Variants in THADA observed in about 807,000 individuals in gnomAD.
THADA encodes the protein tRNA (32-2'-O)-methyltransferase regulator THADA.
A neutral mutation model predicts 219.8 loss-of-function variants in THADA; 213 were observed. That is an observed-to-expected ratio of 0.97 (90% confidence interval 0.87 to 1.09). The LOEUF (loss-of-function observed/expected upper bound fraction) is 1.09. Ranked by LOEUF, THADA falls within the 50% of genes least tolerant of loss-of-function variation. The pLI, the probability that THADA is intolerant of heterozygous loss-of-function variation, is 0.00. For missense variants in THADA, 2,956 were observed against 2,311.3 expected, an observed-to-expected ratio of 1.28 and a Z score of -5.72; for synonymous variants, 1,018 against 828.9, an observed-to-expected ratio of 1.23 and a Z score of -3.92.
intron 30 of THADA, among the ~76,000 whole-genome samples, chr2:43,329,906 T>C (rs1281427060): frequency 6.6e-6 from 1 of 152,244 alleles, no homozygotes; most frequent in Non-Finnish European, 1.5e-5. Context: ...TATTTGACAA[T>C]AGATAGTTCC....
At chr2:43,237,908 A>T (rs1668214341) in intron 36 of THADA, among the ~76,000 whole-genome samples, 2 of 150,686 alleles carry the variant, frequency 1.3e-5, no homozygotes, top group African/African-American at 4.9e-5. Context: ...ACCTGAGGTC[A>T]GGAGTTCGAG....
At chr2:43,330,367 G>C (rs1558590016) in intron 30 of THADA, among the ~76,000 whole-genome samples, 1 of 151,724 alleles carries the variant, frequency 6.6e-6, no homozygotes, top group Non-Finnish European at 1.5e-5. Flanking sequence ...GGGAAGGAAA[G>C]GCTAGTGAGA....
chr2:43,557,094 A>G (rs896420102), intron 16 of THADA, among the ~76,000 whole-genome samples: 1 of 152,146 alleles, frequency 6.6e-6, no homozygotes, highest in African/African-American at 2.4e-5. Context: ...ATTAAAAGAA[A>G]AAAAACAAAA....
chr2:43,345,434 G>A (rs1399122325), intron 29 of THADA, among the ~76,000 whole-genome samples: 1 of 152,196 alleles, frequency 6.6e-6, no homozygotes, highest in Non-Finnish European at 1.5e-5. Context: ...CTAAACAGAA[G>A]TAACTGTACA....
intron 15 of THADA, chr2:43,565,237 A>C (rs1404060990): frequency 1.3e-5 from 2 of 152,218 alleles, no homozygotes; most frequent in Non-Finnish European, 2.9e-5. Flanking sequence ...CAGGAGTTCG[A>C]GACCAGCCTG....
chr2:43,519,681 C>CTTTG (rs1451547556), intron 22 of THADA, among the ~76,000 whole-genome samples: 6 of 152,182 alleles, frequency 3.9e-5, no homozygotes, highest in African/African-American at 1.4e-4. Flanking sequence ...AGAGCTCAGT[C>CTTTG]AAACACAGCA....
chr2:43,466,979 G>A lies in THADA; in HGVS notation c.3836+18255C>T, dbSNP rs1293447474. ...GGGCGGATCACGAGGTCAGGAGATCGAGACCATCCTGGCTAACACGGTGAA... is the reference window on the plus strand; with the variant it reads ...GGGCGGATCACGAGGTCAGGAGATCAAGACCATCCTGGCTAACACGGTGAA... On this transcript the variant is annotated intron_variant, in intron 26 of 37. Transcript: ENST00000405975. Among the ~76,000 whole-genome samples, 46 of 151,602 alleles carry A rather than the reference G, an allele frequency of 3.0e-4. 1 individual carries two copies. The highest frequency in any genetic ancestry group is 8.9e-4 in the African/African-American group (37 of 41,358).
rs1347483100 is a variant in THADA at position 43,527,914 on chromosome 2, A to G, written c.3339T>C (p.Tyr1113=). The change falls in exon 22 of 38, where the codon TAT becomes TAC. Residue 1113 remains tyrosine (Y), a synonymous_variant. Transcript: ENST00000405975. ...SRHRGAFELA[Y]TGFVKLTEVL... ...CTTCAGTGAGTTTCACAAAACCAGT[A>G]TAAGCCAATTCAAATGCTCCTCTGT... 3 of 1,613,752 alleles carry G rather than the reference A, an allele frequency of 1.9e-6. No individual in the cohort carries two copies. Among genetic ancestry groups the G allele is most frequent in the Non-Finnish European group, 2.5e-6 (3 of 1,179,712 alleles).
chr2:43,513,295 G>A (rs1474560434), intron 22 of THADA, among the ~76,000 whole-genome samples: 1 of 152,184 alleles, frequency 6.6e-6, no homozygotes, highest in Non-Finnish European at 1.5e-5. Flanking sequence ...TACAATGCAA[G>A]TTAATGTTAA....
At chr2:43,285,048 C>A (rs1488985803) in intron 35 of THADA, among the ~76,000 whole-genome samples, 1 of 152,198 alleles carries the variant, frequency 6.6e-6, no homozygotes, top group Non-Finnish European at 1.5e-5. Context: ...TTGGAAGTAG[C>A]TAACTTGTTT....
At chr2:43,555,271 T>C (rs1419891004) in intron 17 of THADA, among the ~76,000 whole-genome samples, 1 of 151,538 alleles carries the variant, frequency 6.6e-6, no homozygotes, top group Non-Finnish European at 1.5e-5. Context: ...TAATATAAAA[T>C]ACAGCCAGGA....
intron 29 of THADA, among the ~76,000 whole-genome samples, chr2:43,375,480 C>T (rs1671270916): frequency 6.6e-6 from 1 of 152,160 alleles, no homozygotes; most frequent in African/African-American, 2.4e-5. Context: ...TACTTGGGGT[C>T]CCTGTCTGAT....
chr2:43,308,222 C>T (rs939010928), intron 31 of THADA, among the ~76,000 whole-genome samples: 13 of 151,690 alleles, frequency 8.6e-5, no homozygotes, highest in South Asian at 4.2e-4. Flanking sequence ...GTACGTTATA[C>T]GCTGCAAAAG....
intron 26 of THADA, among the ~76,000 whole-genome samples, chr2:43,450,695 TAA>T (rs774276210): frequency 6.6e-6 from 1 of 151,262 alleles, no homozygotes; most frequent in East Asian, 1.9e-4. Context: ...GCAGAATGGA[TAA>T]AAAAAAACAT....
At chr2:43,513,505 G>A (rs919594274) in intron 22 of THADA, among the ~76,000 whole-genome samples, 1 of 152,170 alleles carries the variant, frequency 6.6e-6, no homozygotes, top group Non-Finnish European at 1.5e-5. Flanking sequence ...CTGAAAAAGG[G>A]CTACTGCCAG....
intron 27 of THADA, 27 bp from the exon 28 acceptor site, chr2:43,428,258 A>G (rs1437189639): frequency 1.9e-6 from 3 of 1,565,724 alleles, no homozygotes; most frequent in East Asian, 2.3e-5. Flanking sequence ...TACACATGAA[A>G]GATTTCACAT....
chr2:43,552,576 C>T (rs1488468310), intron 17 of THADA, among the ~76,000 whole-genome samples: 1 of 152,132 alleles, frequency 6.6e-6, no homozygotes, highest in Admixed American at 6.5e-5. Flanking sequence ...AGTCCTTCCT[C>T]CTAAACATCC....
intron 17 of THADA, among the ~76,000 whole-genome samples, chr2:43,553,048 T>C (rs1195758758): frequency 6.6e-6 from 1 of 152,234 alleles, no homozygotes; most frequent in Non-Finnish European, 1.5e-5. Flanking sequence ...AGTTCATCCA[T>C]GCTGCAGCAT....
intron 7 of THADA, among the ~76,000 whole-genome samples, chr2:43,583,732 GA>G (rs1283495577): frequency 6.6e-6 from 1 of 152,086 alleles, no homozygotes; most frequent in Non-Finnish European, 1.5e-5. Flanking sequence ...CCACAAAAAG[GA>G]ATGAAATTCT....
Sources: gnomAD v4.1 joint callset for allele counts (sites outside exome capture counted in the v4.1 genomes callset) on GRCh38, gnomAD v4.1.1 for gene constraint, MANE v1.5 for transcripts, NCBI Gene and HGNC (gene_info 2026-07-23, HGNC 2026-07-21) for gene names.